Variants in MAML3 observed in about 807,000 individuals in gnomAD.
The protein encoded by MAML3 is mastermind-like protein 3.
Under a neutral mutation model 101.9 loss-of-function variants are expected in MAML3, and 27 were observed. The ratio of observed to expected loss-of-function variants is 0.27; its 90% CI spans 0.20 to 0.37. The LOEUF is 0.37. Ranked by LOEUF, MAML3 falls within the 10% of genes least tolerant of loss-of-function variation. MAML3 has a pLI of 1.00. For missense variants in MAML3, 1,316 were observed against 1,444.9 expected (o/e 0.91, Z 1.45); for synonymous variants, 501 against 555.9 (o/e 0.90, Z 1.39).
intron 1 of MAML3, among the ~76,000 whole-genome samples, chr4:139,923,130 C>G (rs1388013368): frequency 6.6e-6 from 1 of 152,200 alleles, no homozygotes; most frequent in Non-Finnish European, 1.5e-5. Context: ...GTCCCTGGAA[C>G]AGTAGAGGGT....
chr4:139,859,371 AT>A (rs11343508), intron 2 of MAML3, among the ~76,000 whole-genome samples: 65,457 of 140,472 alleles, frequency 0.47, 15,188 homozygotes, highest in African/African-American at 0.53. Context: ...TGCCTGGCTA[AT>A]TTTTTTTTTT....
chr4:140,145,650 C>CT (rs1729046780), intron 1 of MAML3, among the ~76,000 whole-genome samples: 1 of 152,108 alleles, frequency 6.6e-6, no homozygotes, highest in African/African-American at 2.4e-5. Flanking sequence ...ACTGCAAACT[C>CT]TGCCACCCTG....
At chr4:139,859,613 C>T (rs1282086957) in intron 2 of MAML3, among the ~76,000 whole-genome samples, 2 of 152,088 alleles carry the variant, frequency 1.3e-5, no homozygotes, top group Non-Finnish European at 2.9e-5. Flanking sequence ...AAAATAATAA[C>T]AAGCAGTATC....
At chr4:139,985,128 T>C (rs1255313407) in intron 1 of MAML3, among the ~76,000 whole-genome samples, 1 of 152,218 alleles carries the variant, frequency 6.6e-6, no homozygotes, top group Non-Finnish European at 1.5e-5. Context: ...TAGTAAGACA[T>C]CCTCAAAGAC....
intron 2 of MAML3, among the ~76,000 whole-genome samples, chr4:139,775,900 AAGGTACAACTTGCAACT>A (rs1730086846): frequency 6.6e-6 from 1 of 152,184 alleles, no homozygotes; most frequent in Non-Finnish European, 1.5e-5. Context: ...AAATATTTCT[AAGGTACAACTTGCAACT>A]GTTAGGCTAC....
intron 2 of MAML3, among the ~76,000 whole-genome samples, chr4:139,759,466 G>A (rs1729712411): frequency 6.6e-6 from 1 of 152,206 alleles, no homozygotes; most frequent in African/African-American, 2.4e-5. Context: ...CCTTGAACCA[G>A]CATCTCTCCC....
chr4:140,099,345 A>G (rs952817868), intron 1 of MAML3, among the ~76,000 whole-genome samples: 2 of 152,090 alleles, frequency 1.3e-5, no homozygotes, highest in Non-Finnish European at 2.9e-5. Flanking sequence ...TGACACAAGC[A>G]TCCACCCAGT....
chr4:140,056,101 A>T (rs1220493272), intron 1 of MAML3, among the ~76,000 whole-genome samples: 1 of 152,224 alleles, frequency 6.6e-6, no homozygotes, highest in Non-Finnish European at 1.5e-5. Flanking sequence ...GATGGCTGAG[A>T]TGTTCCCAGA....
chr4:139,906,061 C>T (rs899587516), intron 1 of MAML3, among the ~76,000 whole-genome samples: 4 of 152,158 alleles, frequency 2.6e-5, no homozygotes, highest in African/African-American at 9.7e-5. Flanking sequence ...AGTAACTCAA[C>T]AACTGCTATT....
At chr4:140,118,118 T>C (rs558559021) in intron 1 of MAML3, among the ~76,000 whole-genome samples, 203 of 151,834 alleles carry the variant, frequency 1.3e-3, no homozygotes, top group African/African-American at 4.7e-3. Flanking sequence ...ATGTTCTCTC[T>C]GATATCAGCT....
chr4:139,868,931 T>G (rs1363115983), intron 2 of MAML3, among the ~76,000 whole-genome samples: 1 of 152,238 alleles, frequency 6.6e-6, no homozygotes, highest in Non-Finnish European at 1.5e-5. Context: ...AAAATAAGTC[T>G]TTTCCTGTGC....
At chr4:140,098,610 G>T (rs529372277) in intron 1 of MAML3, among the ~76,000 whole-genome samples, 25 of 152,338 alleles carry the variant, frequency 1.6e-4, no homozygotes, top group African/African-American at 5.5e-4. Flanking sequence ...CAGTACCAAT[G>T]CCAAACACCA....
At chr4:139,791,068 A>G (rs1730400092) in intron 2 of MAML3, among the ~76,000 whole-genome samples, 2 of 152,254 alleles carry the variant, frequency 1.3e-5, no homozygotes, top group African/African-American at 4.8e-5. Context: ...AAGATAACTT[A>G]GATAGATATT....
At chr4:140,121,359 C>T (rs775232687) in intron 1 of MAML3, among the ~76,000 whole-genome samples, 1 of 152,190 alleles carries the variant, frequency 6.6e-6, no homozygotes, top group Non-Finnish European at 1.5e-5. Flanking sequence ...AGCAACTTTA[C>T]GACATAGCAC....
intron 1 of MAML3, among the ~76,000 whole-genome samples, chr4:139,911,964 T>C (rs1202490772): frequency 6.6e-6 from 1 of 152,268 alleles, no homozygotes; most frequent in African/African-American, 2.4e-5. Flanking sequence ...TATCCATTCA[T>C]TCATTGCCTC....
chr4:139,971,037 G>C (rs1414963518), intron 1 of MAML3, among the ~76,000 whole-genome samples: 1 of 152,174 alleles, frequency 6.6e-6, no homozygotes, highest in African/African-American at 2.4e-5. Flanking sequence ...TTAGAATTAT[G>C]ATATGTGTCT....
At chr4:140,103,478 C>T (rs1037778826) in intron 1 of MAML3, among the ~76,000 whole-genome samples, 4 of 152,146 alleles carry the variant, frequency 2.6e-5, no homozygotes, top group Admixed American at 2.0e-4. Flanking sequence ...CTAATTGGAA[C>T]TCTTCTATTG....
At chr4:139,886,220 G>C (rs1008314093) in intron 2 of MAML3, among the ~76,000 whole-genome samples, 1 of 151,878 alleles carries the variant, frequency 6.6e-6, no homozygotes, top group Non-Finnish European at 1.5e-5. Flanking sequence ...ATATGTCAAT[G>C]AATAGCAAAT....
intron 1 of MAML3, among the ~76,000 whole-genome samples, chr4:140,013,613 T>C (rs937123845): frequency 1.3e-5 from 2 of 152,236 alleles, no homozygotes; most frequent in Non-Finnish European, 2.9e-5. Flanking sequence ...TTTGACACTA[T>C]TATTTCCATT....
Sources: gnomAD v4.1 joint callset for allele counts (sites outside exome capture counted in the v4.1 genomes callset) on GRCh38, gnomAD v4.1.1 for gene constraint, MANE v1.5 for transcripts, NCBI Gene and HGNC (gene_info 2026-07-23, HGNC 2026-07-21) for gene names.